The following CDH18 variants were observed in gnomAD, a reference collection of about 807,000 sequenced individuals.
The protein encoded by CDH18 is cadherin 18.
Under a neutral mutation model 67.9 loss-of-function variants are expected in CDH18, and 31 were observed. That is an observed-to-expected ratio of 0.46 (90% CI 0.34 to 0.62). The LOEUF is 0.62. Ranked by LOEUF, CDH18 falls within the 20% of genes least tolerant of loss-of-function variation. The pLI is 0.01. For synonymous variants in CDH18, 362 were observed against 347.2 expected, an observed-to-expected ratio of 1.04 and a Z score of -0.48; for missense variants, 890 against 975.5, an observed-to-expected ratio of 0.91 and a Z score of 1.17.
intron 2 of CDH18, among the ~76,000 whole-genome samples, chr5:19,860,415 C>A (rs188541630): frequency 1.3e-5 from 2 of 150,868 alleles, no homozygotes; most frequent in Non-Finnish European, 3.0e-5. Flanking sequence ...TTTCTCATTG[C>A]CTTCTTTTCT....
At chr5:19,826,074 T>C (rs1039625439) in intron 3 of CDH18, among the ~76,000 whole-genome samples, 1 of 152,016 alleles carries the variant, frequency 6.6e-6, no homozygotes, top group African/African-American at 2.4e-5. Flanking sequence ...ACTCCAAGAA[T>C]CTCATAATAC....
intron 2 of CDH18, among the ~76,000 whole-genome samples, chr5:19,897,962 G>A (rs1297200304): frequency 1.3e-5 from 2 of 151,994 alleles, no homozygotes; most frequent in Non-Finnish European, 2.9e-5. Flanking sequence ...ACATGGGTGA[G>A]TTCACTCCAT....
chr5:19,776,241 C>G (rs1774357435), intron 3 of CDH18, among the ~76,000 whole-genome samples: 1 of 152,082 alleles, frequency 6.6e-6, no homozygotes, highest in Non-Finnish European at 1.5e-5. Context: ...TTGTTAGGAT[C>G]TAAGGAGGAC....
At chr5:20,200,165 G>A (rs1194350250) in intron 2 of CDH18, among the ~76,000 whole-genome samples, 3 of 152,098 alleles carry the variant, frequency 2.0e-5, no homozygotes, top group Non-Finnish European at 2.9e-5. Context: ...TTTAGTTAGG[G>A]AAACATATTA....
chr5:19,745,271 G>C (rs986091525), intron 4 of CDH18, among the ~76,000 whole-genome samples: 3 of 152,158 alleles, frequency 2.0e-5, no homozygotes, highest in Non-Finnish European at 2.9e-5. Context: ...TAAAGCAAAA[G>C]GCTTTGAGTT....
intron 2 of CDH18, among the ~76,000 whole-genome samples, chr5:20,042,131 C>T (rs969764249): frequency 2.0e-5 from 3 of 152,162 alleles, no homozygotes; most frequent in Admixed American, 1.3e-4. Context: ...ATGATGCTTC[C>T]GCCAGCTGAG....
chr5:19,572,249 T>G (rs918486696), intron 7 of CDH18, among the ~76,000 whole-genome samples: 2 of 152,176 alleles, frequency 1.3e-5, no homozygotes, highest in African/African-American at 4.8e-5. Context: ...AGTTAAAAGC[T>G]CCCATGGTGA....
At chr5:19,601,892 C>T (rs958487584) in intron 6 of CDH18, among the ~76,000 whole-genome samples, 1 of 151,780 alleles carries the variant, frequency 6.6e-6, no homozygotes, top group Non-Finnish European at 1.5e-5. Context: ...TGACAAAATT[C>T]AATTCCATTT....
At chr5:19,745,037 A>C (rs968044204) in intron 4 of CDH18, among the ~76,000 whole-genome samples, 5 of 152,170 alleles carry the variant, frequency 3.3e-5, no homozygotes, top group African/African-American at 1.2e-4. Flanking sequence ...TTCTCTAAGG[A>C]CACATGTTAT....
chr5:19,860,433 C>CTT (rs550783407), intron 2 of CDH18, among the ~76,000 whole-genome samples: 30 of 142,438 alleles, frequency 2.1e-4, no homozygotes, highest in Admixed American at 1.6e-3. Flanking sequence ...TCTTCTTCTT[C>CTT]TTTTTTTTTT....
At chr5:19,702,742 A>C (rs548463698) in intron 5 of CDH18, among the ~76,000 whole-genome samples, 7 of 152,098 alleles carry the variant, frequency 4.6e-5, no homozygotes, top group African/African-American at 1.7e-4. Context: ...ATCTGGCCAT[A>C]AGCAGGCCCC....
intron 5 of CDH18, among the ~76,000 whole-genome samples, chr5:19,696,115 A>G (rs1200764556): frequency 6.6e-6 from 1 of 152,194 alleles, no homozygotes; most frequent in Non-Finnish European, 1.5e-5. Context: ...CTGTGTAGGT[A>G]TACTTTATTG....
At chr5:20,474,780 T>A (rs990913268) in intron 1 of CDH18, among the ~76,000 whole-genome samples, 1 of 152,230 alleles carries the variant, frequency 6.6e-6, no homozygotes, top group Non-Finnish European at 1.5e-5. Context: ...CTGCAAGATA[T>A]CCTTTTATTA....
At chr5:20,236,459 G>A (rs975200329) in intron 2 of CDH18, among the ~76,000 whole-genome samples, 1 of 151,668 alleles carries the variant, frequency 6.6e-6, no homozygotes, top group African/African-American at 2.4e-5. Flanking sequence ...CTACTATATT[G>A]ATATGGGGAA....
intron 2 of CDH18, among the ~76,000 whole-genome samples, chr5:20,235,177 T>C (rs1203257070): frequency 1.3e-5 from 2 of 152,034 alleles, no homozygotes; most frequent in East Asian, 3.9e-4. Flanking sequence ...ATAAAAATCA[T>C]AGAAGAAAAC....
At chr5:20,242,600 A>T (rs1580562964) in intron 2 of CDH18, among the ~76,000 whole-genome samples, 1 of 69,126 alleles carries the variant, frequency 1.4e-5, no homozygotes, top group African/African-American at 1.0e-4. Context: ...TTGAGGGAAA[A>T]AAAAAAAAAA....
intron 2 of CDH18, among the ~76,000 whole-genome samples, chr5:19,947,003 T>C (rs951457532): frequency 3.3e-5 from 5 of 152,112 alleles, no homozygotes; most frequent in South Asian, 2.1e-4. Flanking sequence ...ATATCAATGA[T>C]ACAGAAAAAG....
chr5:19,698,843 T>A (rs913392237), intron 5 of CDH18, among the ~76,000 whole-genome samples: 1 of 152,140 alleles, frequency 6.6e-6, no homozygotes. Flanking sequence ...ATGATCACCA[T>A]CTCAGGTTTG....
chr5:20,172,223 T>TATATATAC (rs1554098639), intron 2 of CDH18, among the ~76,000 whole-genome samples: 467 of 43,760 alleles, frequency 0.011, 12 homozygotes, highest in Middle Eastern at 0.014. Flanking sequence ...TATATATATA[T>TATATATAC]GTATATATAT....
Sources: allele counts gnomAD v4.1 joint callset (sites outside exome capture counted in the v4.1 genomes callset), GRCh38; gene constraint gnomAD v4.1.1; transcripts MANE v1.5; gene names NCBI Gene and HGNC (gene_info 2026-07-23, HGNC 2026-07-21).